The following JAM3 variants were observed in gnomAD, a reference collection of about 807,000 sequenced individuals.
JAM3 encodes the protein junctional adhesion molecule 3.
A neutral mutation model predicts 39.4 loss-of-function variants in JAM3; 31 were observed. The observed-to-expected ratio is 0.79, with a 90% CI of 0.59 to 1.06. JAM3 has a LOEUF of 1.06. Among genes scored for constraint, JAM3 ranks in the 50% least tolerant of loss-of-function variants. JAM3 has a pLI of 0.00. For synonymous variants in JAM3, 182 were observed against 148.7 expected (o/e 1.22, Z -1.63); for missense variants, 455 against 391.4 (o/e 1.16, Z -1.37).
intron 1 of JAM3, among the ~76,000 whole-genome samples, chr11:134,076,264 C>T (rs1445481588): frequency 2.0e-5 from 3 of 150,628 alleles, no homozygotes; most frequent in Non-Finnish European, 4.4e-5. Context: ...AAGCAATTCT[C>T]CTGCCTCAGC....
intron 1 of JAM3, among the ~76,000 whole-genome samples, chr11:134,116,952 G>A (rs1255027933): frequency 2.6e-5 from 4 of 151,820 alleles, no homozygotes; most frequent in East Asian, 1.9e-4. Context: ...TACCTACAAC[G>A]TATTTATAGT....
In JAM3 at chr11:134,151,965, G is replaced by C. The variant is rs1480058180; in HGVS notation, c.*2784G>C. On this transcript the variant is annotated 3_prime_UTR_variant, in exon 9 of 9. Coordinates refer to ENST00000299106, the MANE Select transcript of JAM3 (RefSeq NM_032801.5). ...TGTGTTGCGGTTCCCACTTGGGATG[G>C]CAGTGGGCAGATCTCAGTGGCATCC... is the stretch of plus-strand genomic sequence containing the variant. 1 of 152,102 alleles carries C rather than the reference G, an allele frequency of 6.6e-6. No homozygotes were observed. The highest frequency in any genetic ancestry group is 1.5e-5 in the Non-Finnish European group (1 of 68,028). The allele number at this position is 152,102 out of a possible 1,614,324, so 9.4% of individuals were successfully genotyped here.
chr11:134,147,688 A>G (rs12270225), intron 6 of JAM3: 28,471 of 145,618 alleles, frequency 0.2, 3,571 homozygotes, highest in African/African-American at 0.41. Context: ...GGGTTTCACC[A>G]CCTTAGCCAG....
rs1028487239 is a variant in JAM3 at position 134,149,235 on chromosome 11, G to C, written c.*54G>C. On this transcript the variant is annotated 3_prime_UTR_variant, in exon 9 of 9. Transcript: ENST00000299106. ...AGCGCACGTGCACATACCTCTGCTA[G>C]AAACTCCTGTCAAGGCAGCGAGAGC... 10 of 1,609,356 alleles carry C rather than the reference G, an allele frequency of 6.2e-6. No individual in the cohort carries two copies. Among genetic ancestry groups the C allele is most frequent in the Non-Finnish European group, 7.7e-6 (9 of 1,176,098 alleles).
Position 134,143,576 on chromosome 11 carries a change from G to A in JAM3, c.257-665G>A, listed in dbSNP as rs573585109. On this transcript the variant is annotated intron_variant, in intron 3 of 8. Transcript: ENST00000299106. ...ATTAGGTTGTCTATTTCTTACTGAA[G>A]TGTGAATTCTTTATTCTGGATGCTA... 8.1e-4 allele frequency among the ~76,000 whole-genome samples: 123 copies of A among 152,296 alleles called. No homozygotes were observed. In the Middle Eastern group the frequency reaches 0.01, roughly 13 times the overall value.
At chr11:134,117,826 C>G (rs1942465806) in intron 1 of JAM3, among the ~76,000 whole-genome samples, 1 of 152,170 alleles carries the variant, frequency 6.6e-6, no homozygotes, top group African/African-American at 2.4e-5. Context: ...GAAGGGTGAT[C>G]ACTCCTGCAC....
chr11:134,127,827 G>T lies in JAM3; in HGVS notation c.77-12024G>T, dbSNP rs535784479. Among the ~76,000 whole-genome samples, 12 of 152,310 alleles carry T rather than the reference G, an allele frequency of 7.9e-5. 1 individual carries two copies. In the South Asian group the frequency reaches 2.5e-3, roughly 32 times the overall value. ...CTAGAATCACATTAAGAAAGGCATA[G>T]AAGAGAGGAAACAGAAGAGAGTAAG... On this transcript the variant is annotated intron_variant, in intron 1 of 8. Coordinates refer to ENST00000299106, the MANE Select transcript of JAM3 (RefSeq NM_032801.5).
chr11:134,134,898 T>G (rs979207496), intron 1 of JAM3, among the ~76,000 whole-genome samples: 4 of 152,352 alleles, frequency 2.6e-5, no homozygotes, highest in African/African-American at 7.2e-5. Context: ...TTGTGGATGT[T>G]AATCCCTTAT....
intron 5 of JAM3, 78 bp downstream of exon 5, chr11:134,145,072 G>A (rs955390763): frequency 3.1e-5 from 37 of 1,207,938 alleles, no homozygotes; most frequent in African/African-American, 4.5e-5. Context: ...AGAAGATTAG[G>A]AGAGATACTG....
chr11:134,100,351 TGAG>T (rs1260144416), intron 1 of JAM3, among the ~76,000 whole-genome samples: 1 of 152,224 alleles, frequency 6.6e-6, no homozygotes, highest in African/African-American at 2.4e-5. Flanking sequence ...CCTTTCTTGC[TGAG>T]GAGGAGGTGT....
chr11:134,144,729 G>T, intron 4 of JAM3, 63 bp from the exon 5 acceptor site: 1 of 1,425,018 alleles, frequency 7.0e-7, no homozygotes, highest in South Asian at 1.2e-5. Flanking sequence ...GATTTCTTCT[G>T]GGCTTTAATA....
At chr11:134,096,373 C>G (rs1382444853) in intron 1 of JAM3, among the ~76,000 whole-genome samples, 2 of 152,180 alleles carry the variant, frequency 1.3e-5, no homozygotes, top group African/African-American at 4.8e-5. Context: ...TTGGTCTGTT[C>G]ACTTCCATCC....
intron 1 of JAM3, among the ~76,000 whole-genome samples, chr11:134,075,880 G>A (rs780671639): frequency 9.2e-5 from 14 of 152,076 alleles, no homozygotes; most frequent in African/African-American, 3.1e-4. Context: ...AATTAAACAT[G>A]TTTAGTCATT....
At chr11:134,131,280 T>C (rs151271949) in intron 1 of JAM3, among the ~76,000 whole-genome samples, 1 of 152,032 alleles carries the variant, frequency 6.6e-6, no homozygotes. Context: ...ATTTCAGCTT[T>C]TGGCACTTAA....
At chr11:134,115,653 G>A (rs1942414670) in intron 1 of JAM3, among the ~76,000 whole-genome samples, 1 of 152,074 alleles carries the variant, frequency 6.6e-6, no homozygotes, top group Admixed American at 6.6e-5. Flanking sequence ...TGTAATCCCA[G>A]CACTTTTGGA....
intron 1 of JAM3, among the ~76,000 whole-genome samples, chr11:134,070,945 A>G (rs1189810303): frequency 1.3e-5 from 2 of 152,230 alleles, no homozygotes; most frequent in African/African-American, 4.8e-5. Context: ...TAATCGAGGT[A>G]GTAGGATGTA....
At position 134,149,886 on chromosome 11, in the gene JAM3, T is replaced by C. The variant is rs985586838; in HGVS notation, c.*705T>C. On this transcript the variant is annotated 3_prime_UTR_variant, in exon 9 of 9. Coordinates refer to ENST00000299106, the MANE Select transcript of JAM3 (RefSeq NM_032801.5). ...GGCTAAGTCTGAAATGGTACTGAAA[T>C]ATGCTTTTCTATGGGTCTTGTTTAT... The C allele has an allele frequency of 4.3e-6, 1 of 232,196 alleles. No homozygotes were observed. Among genetic ancestry groups the C allele is most frequent in the South Asian group, 5.4e-5 (1 of 18,662 alleles). The allele number at this position is 232,196 out of a possible 1,614,324, so 14.4% of individuals were successfully genotyped here. A position where few individuals can be genotyped will look rare whatever the true frequency, so the allele number is the denominator to read the frequency against.
intron 1 of JAM3, among the ~76,000 whole-genome samples, chr11:134,136,582 C>A (rs185653976): frequency 6.6e-6 from 1 of 152,174 alleles, no homozygotes; most frequent in South Asian, 2.1e-4. Context: ...CAGCTTGGGA[C>A]CTTATCTGAT....
At chr11:134,094,921 G>A (rs1313599373) in intron 1 of JAM3, among the ~76,000 whole-genome samples, 1 of 152,172 alleles carries the variant, frequency 6.6e-6, no homozygotes, top group Non-Finnish European at 1.5e-5. Flanking sequence ...ATAAATGACT[G>A]AATATATTAA....
Sources: gnomAD v4.1 joint callset for allele counts (sites outside exome capture counted in the v4.1 genomes callset) on GRCh38, gnomAD v4.1.1 for gene constraint, MANE v1.5 for transcripts, NCBI Gene and HGNC (gene_info 2026-07-23, HGNC 2026-07-21) for gene names.